The following ZNF469 variants were observed in gnomAD, a reference collection of about 807,000 sequenced individuals.
ZNF469 encodes zinc finger protein 469.
In ZNF469, 1 loss-of-function variant was observed where a neutral mutation model predicts 1.0. The ratio of observed to expected loss-of-function variants is 1.00; its 90% CI spans 0.35 to 4.73. ZNF469 has a LOEUF of 4.73. Among genes scored for constraint, ZNF469 ranks in the 30% most tolerant of loss-of-function variants. The pLI, the probability that ZNF469 is intolerant of heterozygous loss-of-function variation, is 0.16. For synonymous variants in ZNF469, 2,703 were observed against 2,363.4 expected, an observed-to-expected ratio of 1.14 and a Z score of -4.17; for missense variants, 6,100 against 5,356.3, an observed-to-expected ratio of 1.14 and a Z score of -4.33.
chr16:88,365,244 G>T, the ZNF469 span, among the ~76,000 whole-genome samples: 1 of 152,172 alleles, frequency 6.6e-6, no homozygotes, highest in Non-Finnish European at 1.5e-5. Context: ...TATTAGTTGT[G>T]TTCAACTCCC....
At chr16:88,238,390 C>G in the ZNF469 span, among the ~76,000 whole-genome samples, 1 of 152,144 alleles carries the variant, frequency 6.6e-6, no homozygotes, top group Non-Finnish European at 1.5e-5. Flanking sequence ...AGGGATGTCC[C>G]AAAGTGGGAC....
At chr16:88,260,583 C>G in the ZNF469 span, among the ~76,000 whole-genome samples, 9 of 152,160 alleles carry the variant, frequency 5.9e-5, no homozygotes, top group Admixed American at 3.9e-4. The surrounding 1 kb of genome is among the most constrained non-coding windows in gnomAD (Gnocchi z 4.1). Flanking sequence ...GGGCTTTACT[C>G]TTTTACAAAA....
At chr16:88,257,080 C>G in the ZNF469 span, among the ~76,000 whole-genome samples, 1 of 148,762 alleles carries the variant, frequency 6.7e-6, no homozygotes, top group South Asian at 2.2e-4. Flanking sequence ...TCCTGAGTAG[C>G]TGGGATTACA....
intron 1 of ZNF469, among the ~76,000 whole-genome samples, chr16:88,384,892 CG>C (rs2092533815): frequency 6.6e-6 from 1 of 152,190 alleles, no homozygotes; most frequent in African/African-American, 2.4e-5. Flanking sequence ...CTCCAGTGAC[CG>C]GGAACTCACT....
At chr16:88,326,119 T>C in the ZNF469 span, among the ~76,000 whole-genome samples, 2 of 152,148 alleles carry the variant, frequency 1.3e-5, no homozygotes, top group Non-Finnish European at 2.9e-5. Context: ...TGTGATATGG[T>C]TTGGCTGTGT....
chr16:88,124,467 C>G, the ZNF469 span, among the ~76,000 whole-genome samples: 1 of 151,588 alleles, frequency 6.6e-6, no homozygotes, highest in African/African-American at 2.4e-5. Flanking sequence ...AAGCAATCCA[C>G]CAGCCTCAAC....
At chr16:88,228,698 A>G in the ZNF469 span, among the ~76,000 whole-genome samples, 2 of 152,198 alleles carry the variant, frequency 1.3e-5, no homozygotes, top group Non-Finnish European at 2.9e-5. Flanking sequence ...GCTCTTACTC[A>G]TCTTCTGGAG....
chr16:88,420,891 G>A (rs879492180), intron 1 of ZNF469, among the ~76,000 whole-genome samples: 9 of 152,236 alleles, frequency 5.9e-5, no homozygotes, highest in African/African-American at 1.9e-4. Flanking sequence ...AAGCCCAGGT[G>A]GGGCTGGCCC....
the ZNF469 span, among the ~76,000 whole-genome samples, chr16:88,243,928 AT>A: frequency 7.2e-5 from 7 of 97,572 alleles, no homozygotes; most frequent in Admixed American, 1.1e-4. Context: ...ATATATATAT[AT>A]ATATATATAT....
rs957326954 is a variant in ZNF469 at position 88,431,240 on chromosome 16, G to A, written c.3770G>A (p.Gly1257Glu). The A allele has an allele frequency of 3.2e-6, 5 of 1,550,366 alleles. No homozygotes were observed. Among genetic ancestry groups the A allele is most frequent in the Non-Finnish European group, 4.4e-6 (5 of 1,146,972 alleles). ...SPPAACAGEM[G>E]ASPGLLIPEQ... ...CCAGCCGCCTGTGCGGGAGAAATGGGAGCAAGCCCCGGTCTCCTGATACCA... is the reference window on the plus strand; with the variant it reads ...CCAGCCGCCTGTGCGGGAGAAATGGAAGCAAGCCCCGGTCTCCTGATACCA... Residue 1257 changes from glycine to glutamate, a missense_variant, in exon 3 of 3, where the codon GGA becomes GAA. Transcript: ENST00000565624.
chr16:88,394,808 G>A (rs1295256459), intron 1 of ZNF469, among the ~76,000 whole-genome samples: 1 of 152,214 alleles, frequency 6.6e-6, no homozygotes, highest in East Asian at 1.9e-4. Context: ...GGACACGTCG[G>A]AGCCCTGTCA....
chr16:88,113,463 C>A, the ZNF469 span, among the ~76,000 whole-genome samples: 4,649 of 152,262 alleles, frequency 0.031, 114 homozygotes, highest in African/African-American at 0.07. Context: ...TGGCTTCTGG[C>A]GCTTTGACAC....
the ZNF469 span, among the ~76,000 whole-genome samples, chr16:88,369,078 C>CAA: frequency 6.6e-5 from 9 of 135,650 alleles, no homozygotes; most frequent in East Asian, 2.1e-4. Context: ...GATTCTGTCT[C>CAA]AAAAAAAAAA....
chr16:88,152,419 G>T, the ZNF469 span, among the ~76,000 whole-genome samples: 2 of 152,122 alleles, frequency 1.3e-5, no homozygotes, highest in Non-Finnish European at 2.9e-5. The surrounding 1 kb of genome is among the most constrained non-coding windows in gnomAD (Gnocchi z 4.2). Context: ...CTATGGTGCT[G>T]GCCGAGGCTG....
At chr16:88,132,252 C>T in the ZNF469 span, among the ~76,000 whole-genome samples, 1 of 152,256 alleles carries the variant, frequency 6.6e-6, no homozygotes, top group Non-Finnish European at 1.5e-5. Flanking sequence ...CCTTCCTGCA[C>T]CCAGGAAGTG....
At chr16:88,228,256 C>T in the ZNF469 span, among the ~76,000 whole-genome samples, 1 of 152,254 alleles carries the variant, frequency 6.6e-6, no homozygotes, top group Non-Finnish European at 1.5e-5. Context: ...GTGCTGCCTG[C>T]CGGCTTCGCA....
At chr16:88,370,354 C>A in the ZNF469 span, among the ~76,000 whole-genome samples, 1 of 152,132 alleles carries the variant, frequency 6.6e-6, no homozygotes, top group African/African-American at 2.4e-5. Context: ...CGGGCTCCAC[C>A]TCATGGTGGG....
the ZNF469 span, among the ~76,000 whole-genome samples, chr16:88,273,450 C>T: frequency 1.3e-5 from 2 of 152,086 alleles, no homozygotes; most frequent in African/African-American, 4.8e-5. Flanking sequence ...GACATACCAC[C>T]TCACGCCCAT....
Position 88,438,179 on chromosome 16 carries a change from C to T in ZNF469, c.10709C>T (p.Ala3570Val), listed in dbSNP as rs776001734. 61 of 1,549,308 alleles carry T rather than the reference C, an allele frequency of 3.9e-5. No individual in the cohort carries two copies. Among genetic ancestry groups the T allele is most frequent in the African/African-American group, 1.1e-4 (8 of 73,158 alleles). ...AALADGRGDC[A>V]LDGALERPEN... Reference sequence around the variant, plus strand: ...TTGGCTGATGGCAGAGGAGACTGCGCGCTGGACGGAGCCCTGGAGAGGCCA... The same window carrying T: ...TTGGCTGATGGCAGAGGAGACTGCGTGCTGGACGGAGCCCTGGAGAGGCCA... The change falls in exon 3 of 3, where the codon GCG becomes GTG. Residue 3570 changes from alanine to valine, a missense_variant. Ala to Val is a moderately conservative substitution (Grantham distance 64, BLOSUM62 0). Coordinates refer to ENST00000565624, the MANE Select transcript of ZNF469 (RefSeq NM_001367624.2).
Sources: gnomAD v4.1 joint callset for allele counts (sites outside exome capture counted in the v4.1 genomes callset) on GRCh38, gnomAD v4.1.1 for gene constraint, Gnocchi (gnomAD v3.1) non-coding constraint, MANE v1.5 for transcripts, NCBI Gene and HGNC (gene_info 2026-07-23, HGNC 2026-07-21) for gene names.